The following ATP5PO variants were observed in gnomAD, a reference collection of about 807,000 sequenced individuals.
The protein encoded by ATP5PO is ATP synthase peripheral stalk subunit OSCP, mitochondrial.
ATP5PO carries 14 observed loss-of-function variants against 26.2 expected under a neutral mutation model. The observed-to-expected ratio is 0.53, with a 90% CI of 0.35 to 0.83. The LOEUF is 0.83. ATP5PO is among the 40% of genes least tolerant of loss of function. ATP5PO has a pLI of 0.01. For synonymous variants in ATP5PO, 106 were observed against 95.1 expected, an observed-to-expected ratio of 1.12 and a Z score of -0.67; for missense variants, 241 against 258.5, an observed-to-expected ratio of 0.93 and a Z score of 0.46.
At chr21:33,907,490 A>C in intron 4 of ATP5PO, 37 bp from the exon 5 acceptor site, 11 of 1,549,338 alleles carry the variant, frequency 7.1e-6, no homozygotes, top group Non-Finnish European at 9.8e-6. Context: ...CAAGAAACTC[A>C]CCTGAACAAG....
At chr21:33,903,673 G>T in intron 6 of ATP5PO, 34 bp from the exon 7 acceptor site, 2 of 1,600,598 alleles carry the variant, frequency 1.2e-6, no homozygotes, top group Non-Finnish European at 1.7e-6. Flanking sequence ...ATGTGAAAAC[G>T]CGCTAATCAA....
At position 33,906,618 on chromosome 21, in the gene ATP5PO, A is replaced by G. The variant is rs200705506; in HGVS notation, c.441+723T>C. On this transcript the variant is annotated intron_variant, in intron 5 of 6. Transcript: ENST00000290299. ...AAACGGTAGCCAATTATAGCCCACT[A>G]TCAAGTCAAAAAGATACAAAGGCCC... The G allele has an allele frequency of 3.7e-5, 16 of 429,862 alleles. 1 individual carries two copies. Among genetic ancestry groups the G allele is most frequent in the South Asian group, 1.8e-4 (11 of 61,364 alleles). The allele number at this position is 429,862 out of a possible 1,614,324, so 26.6% of individuals were successfully genotyped here. A position where few individuals can be genotyped will look rare whatever the true frequency, so the allele number is the denominator to read the frequency against.
intron 4 of ATP5PO, among the ~76,000 whole-genome samples, chr21:33,908,639 G>T (rs1004092272): frequency 1.3e-5 from 2 of 152,186 alleles, no homozygotes; most frequent in African/African-American, 4.8e-5. Flanking sequence ...AGTCTGGGAG[G>T]TTGAGGCTGC....
At chr21:33,915,177 G>A (rs986567437) in intron 1 of ATP5PO, 1 of 156,072 alleles carries the variant, frequency 6.4e-6, no homozygotes, top group African/African-American at 2.4e-5. Context: ...AAGCACCATG[G>A]TGAGATGCAG....
At chr21:33,906,848 G>A (rs1383005072) in intron 5 of ATP5PO, 1 of 444,520 alleles carries the variant, frequency 2.2e-6, no homozygotes, top group Non-Finnish European at 4.5e-6. Context: ...AAAATTAGCC[G>A]GGTGTGGTGG....
rs1411351241 is a variant in ATP5PO, at chr21:33,915,747, A to G, written c.17T>C (p.Val6Ala). Reference sequence around the variant, plus strand: ...TCTCACCTGCCGGGAGAGCCCGGACACTGCTGGGGCAGCCATCTTCTCCCG... The same window carrying G: ...TCTCACCTGCCGGGAGAGCCCGGACGCTGCTGGGGCAGCCATCTTCTCCCG... Reference protein sequence around the residue: MAAPAVSGLSRQVRCF... With the variant: MAAPAASGLSRQVRCF... The change falls in exon 1 of 7, where the codon GTG (valine) becomes GCG (alanine). Residue 6 changes from valine (V) to alanine (A), a missense_variant. Physicochemically the swap from Val to Ala is moderately conservative, Grantham distance 64. Transcript: ENST00000290299. 3 of 1,576,798 alleles carry G rather than the reference A, an allele frequency of 1.9e-6. No individual in the cohort carries two copies. Among genetic ancestry groups the G allele is most frequent in the Non-Finnish European group, 1.7e-6 (2 of 1,161,416 alleles).
chr21:33,906,280 C>G (rs1332267940), intron 5 of ATP5PO, among the ~76,000 whole-genome samples: 1 of 152,124 alleles, frequency 6.6e-6, no homozygotes, highest in African/African-American at 2.4e-5. Flanking sequence ...TACCACACTC[C>G]CCTGTTTTCC....
intron 5 of ATP5PO, among the ~76,000 whole-genome samples, chr21:33,905,882 A>C (rs1032510725): frequency 2.1e-5 from 3 of 143,174 alleles, no homozygotes; most frequent in Non-Finnish European, 4.5e-5. Flanking sequence ...ACTGCACTCC[A>C]GCCTGGGTGA....
Position 33,904,024 on chromosome 21 carries a change from G to A in ATP5PO, c.442-3C>T. The stretch of plus-strand genomic sequence containing the variant: ...GAGAGTGTGGCTTCTTCTAAAGGCT[G>A]AAAGGCAAAACCATCCTTTCAATTT... On this transcript the variant is annotated splice_region_variant and splice_polypyrimidine_tract_variant and intron_variant, in intron 5 of 6. Coordinates refer to ENST00000290299, the MANE Select transcript of ATP5PO (RefSeq NM_001697.3). The A allele has an allele frequency of 6.2e-7, 1 of 1,608,330 alleles. No homozygotes were observed. The highest frequency in any genetic ancestry group is 8.5e-7 in the Non-Finnish European group (1 of 1,177,420).
At chr21:33,912,470 G>A in intron 2 of ATP5PO, 71 bp from the exon 3 acceptor site, 1 of 1,028,268 alleles carries the variant, frequency 9.7e-7, no homozygotes, top group Non-Finnish European at 1.4e-6. Context: ...CTCAAGAGCA[G>A]AATTTAAAAT....
rs112594336 is a variant in ATP5PO at position 33,905,250 on chromosome 21, C to T, written c.442-1229G>A. Among the ~76,000 whole-genome samples the T allele has an allele frequency of 4.6e-3, 701 of 152,210 alleles. 10 individuals are homozygous for T. Among genetic ancestry groups the T allele is most frequent in the African/African-American group, 0.016 (655 of 41,526 alleles). On this transcript the variant is annotated intron_variant, in intron 5 of 6. Coordinates refer to ENST00000290299, the MANE Select transcript of ATP5PO (RefSeq NM_001697.3). ...AAAGGTTACAGAATTCTGAAATATA[C>T]ATACCCTCCACTGAGACATGTACCA...
chr21:33,915,774 G>A lies in ATP5PO; in HGVS notation c.-11C>T. On this transcript the variant is annotated 5_prime_UTR_variant, in exon 1 of 7. Coordinates refer to ENST00000290299, the MANE Select transcript of ATP5PO (RefSeq NM_001697.3). ...TGCTGGGGCAGCCATCTTCTCCCGG[G>A]CGGCTGTAGGTCAAACCCGAGTGGG... 1 of 1,567,320 alleles carries A rather than the reference G, an allele frequency of 6.4e-7. No homozygotes were observed. The highest frequency in any genetic ancestry group is 8.6e-7 in the Non-Finnish European group (1 of 1,156,794).
intron 3 of ATP5PO, among the ~76,000 whole-genome samples, chr21:33,911,262 T>C (rs1159147841): frequency 1.3e-5 from 2 of 152,198 alleles, no homozygotes; most frequent in Non-Finnish European, 2.9e-5. Context: ...GGTTTATTTA[T>C]TCTGCTTTTC....
intron 3 of ATP5PO, among the ~76,000 whole-genome samples, chr21:33,911,057 C>A (rs2148606869): frequency 6.6e-6 from 1 of 152,220 alleles, no homozygotes; most frequent in East Asian, 1.9e-4. Flanking sequence ...GAAGAAAAAA[C>A]CAAACTTCCT....
intron 5 of ATP5PO, chr21:33,907,020 G>C (rs1428003516): frequency 8.5e-6 from 3 of 354,554 alleles, no homozygotes; most frequent in Non-Finnish European, 1.6e-5. Context: ...CTAGTTTCAG[G>C]AAACTACTTC....
chr21:33,910,805 G>C (rs1297382909), intron 3 of ATP5PO, among the ~76,000 whole-genome samples: 1 of 152,180 alleles, frequency 6.6e-6, no homozygotes, highest in African/African-American at 2.4e-5. Flanking sequence ...GAGATAAATG[G>C]ATCAAGGAAG....
rs1338164472 is a variant in ATP5PO, at chr21:33,903,779, ACAGT to A, written c.529-144_529-141del. On this transcript the variant is annotated intron_variant, in intron 6 of 6. Coordinates refer to ENST00000290299, the MANE Select transcript of ATP5PO (RefSeq NM_001697.3). ...TAGAAAAAGGCAAAAGTAAAACTGC[ACAGT>A]CAGATAATCATTTAAATTTAAAATA... 3.2e-5 allele frequency: 35 copies of A among 1,084,168 alleles called. 2 individuals are homozygous for A. In the South Asian group the frequency reaches 3.8e-4, roughly 12 times the overall value. 67.2% of individuals were successfully genotyped at this position (1,084,168 alleles called of 1,614,324 possible). A position where few individuals can be genotyped will look rare whatever the true frequency, so the allele number is the denominator to read the frequency against.
chr21:33,912,898 A>G (rs1218978869), intron 2 of ATP5PO, among the ~76,000 whole-genome samples: 2 of 152,236 alleles, frequency 1.3e-5, no homozygotes, highest in Admixed American at 1.3e-4. Flanking sequence ...ATCGATGTTC[A>G]GTGTAACAGA....
intron 5 of ATP5PO, among the ~76,000 whole-genome samples, chr21:33,906,222 C>A (rs1569365931): frequency 6.6e-6 from 1 of 152,224 alleles, no homozygotes; most frequent in Non-Finnish European, 1.5e-5. Context: ...TTAAATGCTA[C>A]ATCTATTAAT....
Sources: gnomAD v4.1 joint callset for allele counts (sites outside exome capture counted in the v4.1 genomes callset) on GRCh38, gnomAD v4.1.1 for gene constraint, MANE v1.5 for transcripts, NCBI Gene and HGNC (gene_info 2026-07-23, HGNC 2026-07-21) for gene names.